Variants in MARCHF1 observed in about 807,000 individuals in gnomAD.
MARCHF1 encodes the protein E3 ubiquitin-protein ligase MARCHF1.
A neutral mutation model predicts 54.2 loss-of-function variants in MARCHF1; 40 were observed. That is an observed-to-expected ratio of 0.74 (90% CI 0.57 to 0.96). The LOEUF is 0.96. MARCHF1 is among the 40% of genes least tolerant of loss of function. The pLI, the probability that MARCHF1 is intolerant of heterozygous loss-of-function variation, is 0.00. For synonymous variants in MARCHF1, 236 were observed against 236.3 expected (o/e 1.00, Z 0.01); for missense variants, 586 against 656.5 (o/e 0.89, Z 1.17).
intron 4 of MARCHF1, among the ~76,000 whole-genome samples, chr4:163,742,401 T>C (rs11934941): frequency 2.4e-4 from 20 of 81,652 alleles, no homozygotes; most frequent in Non-Finnish European, 3.5e-4. Flanking sequence ...CTTCCTCCCT[T>C]CCTTCCTTCC....
At chr4:164,325,602 A>T (rs888887036) in intron 1 of MARCHF1, among the ~76,000 whole-genome samples, 12 of 152,006 alleles carry the variant, frequency 7.9e-5, no homozygotes, top group Non-Finnish European at 1.8e-4. Context: ...TTACAAATAC[A>T]AATAAGACCT....
chr4:164,224,185 T>C (rs746412209), intron 1 of MARCHF1, among the ~76,000 whole-genome samples: 22 of 151,628 alleles, frequency 1.5e-4, no homozygotes, highest in Non-Finnish European at 1.5e-5. Flanking sequence ...CTATTTTGTG[T>C]CTGCAGCAGT....
At chr4:163,837,844 G>A (rs1749232735) in intron 4 of MARCHF1, among the ~76,000 whole-genome samples, 2 of 151,794 alleles carry the variant, frequency 1.3e-5, no homozygotes, top group South Asian at 4.1e-4. Context: ...CCTAATAACC[G>A]CAAAATGCAT....
chr4:163,960,574 A>G (rs1327673173), intron 3 of MARCHF1, among the ~76,000 whole-genome samples: 2 of 152,076 alleles, frequency 1.3e-5, no homozygotes, highest in South Asian at 2.1e-4. Flanking sequence ...AAAATACTGC[A>G]TATCTTCACT....
intron 1 of MARCHF1, among the ~76,000 whole-genome samples, chr4:164,210,970 G>T (rs1301780889): frequency 1.3e-5 from 2 of 152,010 alleles, no homozygotes; most frequent in Non-Finnish European, 2.9e-5. Flanking sequence ...GACAATTACT[G>T]CAAGATCTCA....
intron 2 of MARCHF1, among the ~76,000 whole-genome samples, chr4:164,060,660 A>T (rs1323398970): frequency 6.6e-6 from 1 of 152,172 alleles, no homozygotes; most frequent in African/African-American, 2.4e-5. Flanking sequence ...TAGAAAAAAC[A>T]TCCAGCATTC....
chr4:163,707,969 G>C (rs1001954934), intron 4 of MARCHF1, among the ~76,000 whole-genome samples: 2 of 151,776 alleles, frequency 1.3e-5, no homozygotes, highest in East Asian at 1.9e-4. Context: ...GGGCACAGAG[G>C]GGGGCCACAG....
chr4:164,232,226 G>T (rs1253596905), intron 1 of MARCHF1, among the ~76,000 whole-genome samples: 1 of 151,994 alleles, frequency 6.6e-6, no homozygotes, highest in Non-Finnish European at 1.5e-5. Flanking sequence ...AAACAAAAGG[G>T]ATTGCTACTT....
At chr4:164,312,308 ATTTTCTTTTTC>A (rs1734872074) in intron 1 of MARCHF1, among the ~76,000 whole-genome samples, 1 of 125,482 alleles carries the variant, frequency 8.0e-6, no homozygotes, top group African/African-American at 2.9e-5. Context: ...CCTGTGAATT[ATTTTCTTTTTC>A]TTTTTTTTTT....
At chr4:163,959,335 A>C (rs200764361) in intron 3 of MARCHF1, among the ~76,000 whole-genome samples, 8,991 of 148,820 alleles carry the variant, frequency 0.06, 522 homozygotes, top group East Asian at 0.18. Context: ...AACAACAAAA[A>C]AAAAAAACAA....
At chr4:164,232,804 A>T (rs149173616) in intron 1 of MARCHF1, among the ~76,000 whole-genome samples, 1 of 152,202 alleles carries the variant, frequency 6.6e-6, no homozygotes, top group African/African-American at 2.4e-5. Flanking sequence ...ACACAACTCT[A>T]TATCTTCAAT....
chr4:163,701,821 A>G (rs577197960), intron 4 of MARCHF1, among the ~76,000 whole-genome samples: 1 of 146,728 alleles, frequency 6.8e-6, no homozygotes, highest in East Asian at 1.9e-4. Flanking sequence ...TAATTTACCA[A>G]TGTAAGAATT....
At chr4:164,331,968 C>G (rs376886082) in intron 1 of MARCHF1, among the ~76,000 whole-genome samples, 1 of 152,156 alleles carries the variant, frequency 6.6e-6, no homozygotes, top group East Asian at 1.9e-4. Flanking sequence ...ATGTCAGGAT[C>G]CCACATAGTT....
intron 5 of MARCHF1, among the ~76,000 whole-genome samples, chr4:163,640,366 G>A (rs1194949424): frequency 6.6e-6 from 1 of 152,122 alleles, no homozygotes; most frequent in Admixed American, 6.6e-5. Context: ...GTTAAGTGTG[G>A]AGTTAAAGTC....
chr4:163,805,369 C>T (rs1748197316), intron 4 of MARCHF1, among the ~76,000 whole-genome samples: 1 of 117,770 alleles, frequency 8.5e-6, no homozygotes, highest in Non-Finnish European at 2.0e-5. Flanking sequence ...TTCACTGTCT[C>T]TAAAAAAAAA....
chr4:164,084,593 C>A (rs1409473079), intron 2 of MARCHF1, among the ~76,000 whole-genome samples: 1 of 151,734 alleles, frequency 6.6e-6, no homozygotes, highest in African/African-American at 2.4e-5. Context: ...TCTAAGCTAC[C>A]ATTTTATATA....
At chr4:163,604,467 T>C (rs1741079238) in intron 7 of MARCHF1, among the ~76,000 whole-genome samples, 1 of 152,138 alleles carries the variant, frequency 6.6e-6, no homozygotes, top group African/African-American at 2.4e-5. Flanking sequence ...CATCCACCTC[T>C]TTTTATTCTC....
At position 163,799,793 on chromosome 4, in the gene MARCHF1, C is replaced by T. The variant is rs544886693; in HGVS notation, c.111+54228G>A. 5.8e-4 allele frequency among the ~76,000 whole-genome samples: 88 copies of T among 152,050 alleles called. 1 individual carries two copies. The highest frequency in any genetic ancestry group is 2.0e-3 in the African/African-American group (82 of 41,492). On this transcript the variant is annotated intron_variant, in intron 4 of 9. Transcript: ENST00000514618. ...TGGCTGAACTAATTTACACATGTAC[C>T]CAAAAGAAAACAAATCATTCAACCA...
intron 4 of MARCHF1, among the ~76,000 whole-genome samples, chr4:163,815,797 A>G (rs1272765191): frequency 2.0e-5 from 3 of 152,216 alleles, no homozygotes; most frequent in East Asian, 1.9e-4. Flanking sequence ...AAAAGCATTT[A>G]CTTCATAGAA....
Sources: gnomAD v4.1 joint callset for allele counts (sites outside exome capture counted in the v4.1 genomes callset) on GRCh38, gnomAD v4.1.1 for gene constraint, MANE v1.5 for transcripts, NCBI Gene and HGNC (gene_info 2026-07-23, HGNC 2026-07-21) for gene names.